Variants in SPATA6L observed in about 807,000 individuals in gnomAD.
SPATA6L encodes the protein spermatogenesis associated 6 like, also known as spermatogenesis associated 6-like protein.
Under a neutral mutation model 49.2 loss-of-function variants are expected in SPATA6L, and 68 were observed. That is an observed-to-expected ratio of 1.38 (90% CI 1.14 to 1.69). SPATA6L has a LOEUF of 1.69. SPATA6L is among the 40% of genes most tolerant of loss of function. The pLI, the probability that SPATA6L is intolerant of heterozygous loss-of-function variation, is 0.00. For missense variants in SPATA6L, 668 were observed against 464.3 expected (o/e 1.44, Z -4.03); for synonymous variants, 198 against 165.7 (o/e 1.19, Z -1.50).
Position 4,662,265 on chromosome 9 carries a change from G to A in SPATA6L, c.40-229C>T, listed in dbSNP as rs997641099. 2 of 1,433,334 alleles carry A rather than the reference G, an allele frequency of 1.4e-6. No homozygotes were observed. Among genetic ancestry groups the A allele is most frequent in the Non-Finnish European group, 1.8e-6 (2 of 1,099,002 alleles). The allele number at this position is 1,433,334 out of a possible 1,614,324, so 88.8% of individuals were successfully genotyped here. ...CAGGTGTCACAATCGCGCTCTCGCCGGCTCCTCTCCCCGCCCCTCCGGGAT... is the reference window on the plus strand; with the variant it reads ...CAGGTGTCACAATCGCGCTCTCGCCAGCTCCTCTCCCCGCCCCTCCGGGAT... On this transcript the variant is annotated intron_variant, in intron 1 of 11. Coordinates refer to ENST00000682582, the MANE Select transcript of SPATA6L (RefSeq NM_001353486.2). This position sits in a 1 kb window ranked among gnomAD's most constrained non-coding sequence, Gnocchi z 4.9.
rs1268960855 is a variant in SPATA6L at position 4,625,577 on chromosome 9, C to CA, written c.430-12dup. Reference sequence around the variant, plus strand: ...CTCATGTCTTTCTTCCTGAAATAAACAAAAAAAGAATATTTTTTAAAATAA... The same window carrying CA: ...CTCATGTCTTTCTTCCTGAAATAAACAAAAAAAAGAATATTTTTTAAAATAA... On this transcript the variant is annotated splice_polypyrimidine_tract_variant and intron_variant, in intron 5 of 11. Coordinates refer to ENST00000682582, the MANE Select transcript of SPATA6L (RefSeq NM_001353486.2). 13 of 1,452,752 alleles carry CA rather than the reference C, an allele frequency of 8.9e-6. No individual in the cohort carries two copies. The highest frequency in any genetic ancestry group is 1.2e-5 in the Non-Finnish European group (13 of 1,089,532). 90.0% of individuals were successfully genotyped at this position (1,452,752 alleles called of 1,614,324 possible).
chr9:4,662,498 G>C lies in SPATA6L; in HGVS notation c.40-462C>G. 1.9e-6 allele frequency: 3 copies of C among 1,559,684 alleles called. No homozygotes were observed. Among genetic ancestry groups the C allele is most frequent in the African/African-American group, 1.4e-5 (1 of 73,754 alleles). ...GCGGCGGCAGCAGGTTTGAGTTCCAGTCCCTGCTCAGCAGCCGCGCCACGG... is the reference window on the plus strand; with the variant it reads ...GCGGCGGCAGCAGGTTTGAGTTCCACTCCCTGCTCAGCAGCCGCGCCACGG... On this transcript the variant is annotated intron_variant, in intron 1 of 11. Coordinates refer to ENST00000682582, the MANE Select transcript of SPATA6L (RefSeq NM_001353486.2). The surrounding 1 kb of genome is among the most constrained non-coding windows in gnomAD (Gnocchi z 4.9).
rs1401921736 is a variant in SPATA6L at position 4,662,844 on chromosome 9, A to G, written c.40-808T>C. The G allele has an allele frequency of 1.9e-6, 3 of 1,605,250 alleles. No individual in the cohort carries two copies. In the Admixed American group the frequency reaches 5.0e-5, roughly 27 times the overall value. ...GGGCACCCTCTACTGCCTGTGCAGGAGCGACAGCTGGGCCGGGCGCGAGGT... is the reference window on the plus strand; with the variant it reads ...GGGCACCCTCTACTGCCTGTGCAGGGGCGACAGCTGGGCCGGGCGCGAGGT... On this transcript the variant is annotated intron_variant, in intron 1 of 11. Transcript: ENST00000682582. This position sits in a 1 kb window ranked among gnomAD's most constrained non-coding sequence, Gnocchi z 4.9.
At chr9:4,590,715 G>C (rs1821852030) in intron 13 of SPATA6L, among the ~76,000 whole-genome samples, 1 of 152,182 alleles carries the variant, frequency 6.6e-6, no homozygotes, top group Non-Finnish European at 1.5e-5. Flanking sequence ...ATATTACCTA[G>C]AGAGAAACTT....
At chr9:4,642,821 T>C (rs575976056) in intron 3 of SPATA6L, among the ~76,000 whole-genome samples, 2 of 151,060 alleles carry the variant, frequency 1.3e-5, no homozygotes. Flanking sequence ...TATAACAAAA[T>C]CAACATTTAT....
At chr9:4,589,783 G>A (rs1451625230) in intron 13 of SPATA6L, among the ~76,000 whole-genome samples, 1 of 152,194 alleles carries the variant, frequency 6.6e-6, no homozygotes. Context: ...CTCCCCACCT[G>A]ATGGAAGCAG....
chr9:4,608,770 G>A (rs1825945237), intron 9 of SPATA6L, among the ~76,000 whole-genome samples: 2 of 151,804 alleles, frequency 1.3e-5, no homozygotes, highest in South Asian at 4.1e-4. Flanking sequence ...CCAAAAGCTA[G>A]CAGAAGGCAA....
At chr9:4,603,179 A>C (rs202131663) in intron 11 of SPATA6L, among the ~76,000 whole-genome samples, 1 of 152,154 alleles carries the variant, frequency 6.6e-6, no homozygotes, top group Non-Finnish European at 1.5e-5. Flanking sequence ...CGCCTGTAAT[A>C]CCAGCACTTT....
intron 9 of SPATA6L, among the ~76,000 whole-genome samples, chr9:4,616,585 T>C (rs1464536609): frequency 6.6e-6 from 1 of 152,156 alleles, no homozygotes; most frequent in East Asian, 1.9e-4. Flanking sequence ...AGCCAGTTTT[T>C]TGTTTGTTTG....
chr9:4,656,786 C>T (rs1007514404), intron 2 of SPATA6L, among the ~76,000 whole-genome samples: 15 of 152,248 alleles, frequency 9.9e-5, no homozygotes, highest in South Asian at 4.1e-4. Context: ...TGTTTGACTA[C>T]CTAGAAAAAC....
intron 2 of SPATA6L, among the ~76,000 whole-genome samples, chr9:4,661,019 A>G (rs9776157): frequency 0.56 from 84,336 of 151,800 alleles, 24,863 homozygotes; most frequent in African/African-American, 0.76. Flanking sequence ...CATCACACAC[A>G]GGGGCCTGTC....
intron 3 of SPATA6L, among the ~76,000 whole-genome samples, chr9:4,649,362 C>CCTG (rs1301812620): frequency 1.3e-5 from 2 of 152,158 alleles, no homozygotes; most frequent in African/African-American, 4.8e-5. Flanking sequence ...AGAAGTATTA[C>CCTG]CTGTTCACTG....
intron 3 of SPATA6L, among the ~76,000 whole-genome samples, chr9:4,639,714 T>A (rs768851544): frequency 6.6e-6 from 1 of 152,224 alleles, no homozygotes; most frequent in Non-Finnish European, 1.5e-5. Context: ...AGTGACATCA[T>A]CAATGGCATC....
At chr9:4,611,852 C>G (rs902497105) in intron 9 of SPATA6L, among the ~76,000 whole-genome samples, 1 of 151,492 alleles carries the variant, frequency 6.6e-6, no homozygotes, top group Non-Finnish European at 1.5e-5. Flanking sequence ...AAATTTAATC[C>G]CAGTAGTTGT....
chr9:4,648,401 T>C (rs1835929757), intron 3 of SPATA6L, among the ~76,000 whole-genome samples: 1 of 152,102 alleles, frequency 6.6e-6, no homozygotes, highest in South Asian at 2.1e-4. Flanking sequence ...ATAGATGGTG[T>C]TTGATTATAA....
In SPATA6L at chr9:4,639,727, C is replaced by T. The variant is rs547793184; in HGVS notation, c.227-4328G>A. On this transcript the variant is annotated intron_variant, in intron 3 of 11. Coordinates refer to ENST00000682582, the MANE Select transcript of SPATA6L (RefSeq NM_001353486.2). Reference sequence around the variant, plus strand: ...ACAGTGACATCATCAATGGCATCAACGAACTTCTCCCCCAAAAAGGAAACA... The same window carrying T: ...ACAGTGACATCATCAATGGCATCAATGAACTTCTCCCCCAAAAAGGAAACA... Among the ~76,000 whole-genome samples, 29 of 152,300 alleles carry T rather than the reference C, an allele frequency of 1.9e-4. 1 individual carries two copies. Among genetic ancestry groups the T allele is most frequent in the African/African-American group, 2.4e-4 (10 of 41,574 alleles).
At chr9:4,652,479 A>C (rs1260068572) in intron 3 of SPATA6L, among the ~76,000 whole-genome samples, 2 of 152,220 alleles carry the variant, frequency 1.3e-5, no homozygotes, top group Non-Finnish European at 2.9e-5. Flanking sequence ...CACTTACAAC[A>C]GCTTCAGAGT....
chr9:4,595,664 T>C (rs1470350605), downstream of SPATA6L, among the ~76,000 whole-genome samples: 3 of 152,214 alleles, frequency 2.0e-5, no homozygotes, highest in Admixed American at 1.3e-4. Context: ...ATTTTTTAAA[T>C]GCTGAAAATA....
At chr9:4,646,362 A>C in intron 3 of SPATA6L, 1 of 533,666 alleles carries the variant, frequency 1.9e-6, no homozygotes, top group Non-Finnish European at 3.1e-6. Flanking sequence ...ATATAAACTT[A>C]CAGACACATA....
Sources: allele counts gnomAD v4.1 joint callset (sites outside exome capture counted in the v4.1 genomes callset), GRCh38; gene constraint gnomAD v4.1.1; non-coding constraint Gnocchi (gnomAD v3.1); transcripts MANE v1.5; gene names NCBI Gene and HGNC (gene_info 2026-07-23, HGNC 2026-07-21).